CPSF2: variants seen among roughly 807,000 people sequenced by gnomAD.
CPSF2 encodes the protein cleavage and polyadenylation specificity factor subunit 2.
Under a neutral mutation model 84.2 loss-of-function variants are expected in CPSF2, and 51 were observed. The observed-to-expected ratio is 0.61, with a 90% CI of 0.48 to 0.77. The LOEUF is 0.77. CPSF2 is among the 30% of genes least tolerant of loss of function. The probability of loss-of-function intolerance (pLI) is 0.00; values close to 1 mark genes in which losing one functional copy is unlikely to be tolerated. For synonymous variants in CPSF2, 286 were observed against 311.9 expected (o/e 0.92, Z 0.87); for missense variants, 641 against 929.4 (o/e 0.69, Z 4.03).
chr14:92,163,514 T>A lies in CPSF2; in HGVS notation c.*1770T>A, dbSNP rs1052117865. On this transcript the variant is annotated 3_prime_UTR_variant, in exon 16 of 16. Transcript: ENST00000298875. ...CAGGGGAACGAAAATCTGAATTTGT[T>A]TTATGATTTAAAGCATCTGGTTTGC... 2 of 152,612 alleles carry A rather than the reference T, an allele frequency of 1.3e-5. No individual in the cohort carries two copies. The highest frequency in any genetic ancestry group is 4.8e-5 in the African/African-American group (2 of 41,460). 9.5% of individuals were successfully genotyped at this position (152,612 alleles called of 1,614,324 possible). A position where few individuals can be genotyped will look rare whatever the true frequency, so the allele number is the denominator to read the frequency against.
Position 92,159,023 on chromosome 14 carries a change from GTAAGGCAAAAGATGCTGAAT to G in CPSF2, c.1865_1884del (p.Lys622SerfsTer28). The G allele has an allele frequency of 6.2e-7, 1 of 1,613,940 alleles. No homozygotes were observed. The highest frequency in any genetic ancestry group is 8.5e-7 in the Non-Finnish European group (1 of 1,179,928). On this transcript the variant is annotated frameshift_variant, in exon 14 of 16. Coordinates refer to ENST00000298875, the MANE Select transcript of CPSF2 (RefSeq NM_017437.3). LOFTEE classifies it high-confidence loss of function. ...TCACTTGTCAGCTCTCTTCAGTTTT[GTAAGGCAAAAGATGCTGAAT>G]TAGCTTGGATAGATGGTGTCTTAGA...
At position 92,169,342 on chromosome 14, in the gene CPSF2, C is replaced by T. The variant is rs1366613626; in HGVS notation, c.*7598C>T. 1 of 152,094 alleles carries T rather than the reference C, an allele frequency of 6.6e-6. No homozygotes were observed. Among genetic ancestry groups the T allele is most frequent in the African/African-American group, 2.4e-5 (1 of 41,410 alleles). 9.4% of individuals were successfully genotyped at this position (152,094 alleles called of 1,614,324 possible). On this transcript the variant is annotated 3_prime_UTR_variant, in exon 16 of 16. Coordinates refer to ENST00000298875, the MANE Select transcript of CPSF2 (RefSeq NM_017437.3). ...CACACCCCCTAAAAAAGAAAAAGGACTTTAAAAACCCTCTCAGGACAAACA... is the reference window on the plus strand; with the variant it reads ...CACACCCCCTAAAAAAGAAAAAGGATTTTAAAAACCCTCTCAGGACAAACA...
At position 92,159,120 on chromosome 14, in the gene CPSF2, A is replaced by G. The variant is rs1159480161; in HGVS notation, c.1959A>G (p.Leu653=). The part of the protein sequence containing the change: ...DTGVILEEGE[L]KDDGEDSEMQ... ...GGGTTATTTTAGAAGAAGGAGAACT[A>G]AAGGATGATGGAGAAGACTCAGAGA... Residue 653 remains leucine, a synonymous_variant, in exon 14 of 16, where the codon CTA becomes CTG. Transcript: ENST00000298875. 1.9e-6 allele frequency: 3 copies of G among 1,614,110 alleles called. No individual in the cohort carries two copies. Among genetic ancestry groups the G allele is most frequent in the Non-Finnish European group, 1.7e-6 (2 of 1,180,012 alleles).
intron 3 of CPSF2, 134 bp from the exon 4 acceptor site, chr14:92,133,877 C>G: frequency 1.2e-6 from 1 of 819,050 alleles, no homozygotes; most frequent in South Asian, 1.7e-5. Context: ...CATAGGTAAT[C>G]ATAATTTTAG....
At position 92,170,753 on chromosome 14, in the gene CPSF2, G is replaced by A. The variant is rs2069507347; in HGVS notation, c.*9009G>A. ...ATTAGATTCAGGTTGTGAATTTTTG[G>A]CAGGAATACCAGAGAGGTGATGCTG... On this transcript the variant is annotated 3_prime_UTR_variant, in exon 16 of 16. Coordinates refer to ENST00000298875, the MANE Select transcript of CPSF2 (RefSeq NM_017437.3). 1 of 152,152 alleles carries A rather than the reference G, an allele frequency of 6.6e-6. No homozygotes were observed. The highest frequency in any genetic ancestry group is 2.4e-5 in the African/African-American group (1 of 41,430). The allele number at this position is 152,152 out of a possible 1,614,324, so 9.4% of individuals were successfully genotyped here. A position where few individuals can be genotyped will look rare whatever the true frequency, so the allele number is the denominator to read the frequency against.
chr14:92,141,542 G>A (rs920055040), intron 7 of CPSF2, among the ~76,000 whole-genome samples: 1 of 152,016 alleles, frequency 6.6e-6, no homozygotes, highest in Non-Finnish European at 1.5e-5. Flanking sequence ...TGTCCAGGCT[G>A]GTCTTGAACT....
intron 6 of CPSF2, among the ~76,000 whole-genome samples, chr14:92,137,984 T>C (rs1358247361): frequency 6.6e-6 from 1 of 152,216 alleles, no homozygotes; most frequent in Non-Finnish European, 1.5e-5. Context: ...GAAAAACTTA[T>C]ATGGTTAGCA....
chr14:92,133,534 T>G (rs765002446), intron 3 of CPSF2, among the ~76,000 whole-genome samples: 2 of 152,022 alleles, frequency 1.3e-5, no homozygotes, highest in Non-Finnish European at 2.9e-5. Flanking sequence ...TGGCATGATC[T>G]CATCAAGGTC....
rs1395398529 is a variant in CPSF2, at chr14:92,168,765, G to T, written c.*7021G>T. On this transcript the variant is annotated 3_prime_UTR_variant, in exon 16 of 16. Transcript: ENST00000298875. ...AAAAATAGAAAAATTAGCTGGGCAT[G>T]GTGGCTGTAGTCCCAGCTATTTGGG... The T allele has an allele frequency of 5.3e-5, 8 of 152,170 alleles. No individual in the cohort carries two copies. The highest frequency in any genetic ancestry group is 1.9e-4 in the African/African-American group (8 of 41,396). The allele number at this position is 152,170 out of a possible 1,614,324, so 9.4% of individuals were successfully genotyped here. A position where few individuals can be genotyped will look rare whatever the true frequency, so the allele number is the denominator to read the frequency against.
intron 7 of CPSF2, among the ~76,000 whole-genome samples, chr14:92,141,517 G>A (rs949298655): frequency 6.6e-6 from 1 of 151,970 alleles, no homozygotes; most frequent in Admixed American, 6.6e-5. Flanking sequence ...TTATAGAGAC[G>A]GGATCTCCCT....
intron 10 of CPSF2, 65 bp from the exon 11 acceptor site, chr14:92,155,058 G>A (rs549881705): frequency 6.8e-6 from 7 of 1,032,864 alleles, no homozygotes; most frequent in Admixed American, 2.1e-5. Flanking sequence ...GTAATAAATT[G>A]ATAAATATTA....
chr14:92,138,454 G>A, intron 7 of CPSF2, 107 bp downstream of exon 7: 1 of 524,848 alleles, frequency 1.9e-6, no homozygotes, highest in Non-Finnish European at 3.2e-6. Context: ...TTTTGAGACG[G>A]ACTTTCGCTC....
rs966675705 is a variant in CPSF2, at chr14:92,169,610, A to C, written c.*7866A>C. The C allele has an allele frequency of 6.6e-6, 1 of 151,848 alleles. No homozygotes were observed. The highest frequency in any genetic ancestry group is 1.5e-5 in the Non-Finnish European group (1 of 67,978). 9.4% of individuals were successfully genotyped at this position (151,848 alleles called of 1,614,324 possible). ...GTAAATTCTTTATCAGTTATAAGGA[A>C]AAACCAAATTCAAATTCTTAAGGTT... On this transcript the variant is annotated 3_prime_UTR_variant, in exon 16 of 16. Coordinates refer to ENST00000298875, the MANE Select transcript of CPSF2 (RefSeq NM_017437.3).
At position 92,164,908 on chromosome 14, in the gene CPSF2, C is replaced by T. The variant is rs1191542605; in HGVS notation, c.*3164C>T. ...CTTTCATCACTCCAAAAAGAAACAC[C>T]ATACCCACTACCAGTCACTCCTCAT... On this transcript the variant is annotated 3_prime_UTR_variant, in exon 16 of 16. Transcript: ENST00000298875. 6.6e-6 allele frequency: 1 copy of T among 152,194 alleles called. No homozygotes were observed. Among genetic ancestry groups the T allele is most frequent in the East Asian group, 1.9e-4 (1 of 5,192 alleles). 9.4% of individuals were successfully genotyped at this position (152,194 alleles called of 1,614,324 possible). A position where few individuals can be genotyped will look rare whatever the true frequency, so the allele number is the denominator to read the frequency against.
chr14:92,137,997 A>T (rs2069022711), intron 6 of CPSF2, among the ~76,000 whole-genome samples: 1 of 152,210 alleles, frequency 6.6e-6, no homozygotes, highest in Non-Finnish European at 1.5e-5. Flanking sequence ...GGTTAGCAGG[A>T]TGTACACCAA....
At chr14:92,122,969 C>T (rs1219373713) in intron 1 of CPSF2, among the ~76,000 whole-genome samples, 2 of 151,678 alleles carry the variant, frequency 1.3e-5, no homozygotes. Context: ...AGGCGTGAGC[C>T]ACCATGCCCG....
At chr14:92,156,964 A>G (rs2069298648) in intron 12 of CPSF2, among the ~76,000 whole-genome samples, 2 of 152,148 alleles carry the variant, frequency 1.3e-5, no homozygotes, top group Non-Finnish European at 2.9e-5. Flanking sequence ...TCACAGTTTA[A>G]TTTTTCTGAG....
chr14:92,123,308 A>G (rs2068802283), intron 1 of CPSF2, among the ~76,000 whole-genome samples: 1 of 151,552 alleles, frequency 6.6e-6, no homozygotes, highest in Non-Finnish European at 1.5e-5. Flanking sequence ...TTGTAGCTTT[A>G]GTAGAGACAG....
At chr14:92,160,573 T>C (rs1387272688) in intron 14 of CPSF2, among the ~76,000 whole-genome samples, 1 of 152,212 alleles carries the variant, frequency 6.6e-6, no homozygotes, top group African/African-American at 2.4e-5. Context: ...TTTTTTCTTC[T>C]GTGCTAAAGC....
Sources: allele counts gnomAD v4.1 joint callset (sites outside exome capture counted in the v4.1 genomes callset), GRCh38; gene constraint gnomAD v4.1.1; transcripts MANE v1.5; gene names NCBI Gene and HGNC (gene_info 2026-07-23, HGNC 2026-07-21).